Variants in MCF2L observed in about 807,000 individuals in gnomAD.
MCF2L encodes MCF.2 cell line derived transforming sequence like.
Under a neutral mutation model 153.4 loss-of-function variants are expected in MCF2L, and 97 were observed. The ratio of observed to expected loss-of-function variants is 0.63; its 90% CI spans 0.54 to 0.75. The LOEUF (loss-of-function observed/expected upper bound fraction) is 0.75, where lower values mean the gene tolerates loss of function less well. Ranked by LOEUF, MCF2L falls within the 30% of genes least tolerant of loss-of-function variation. MCF2L has a pLI of 0.00. For missense variants in MCF2L, 1,347 were observed against 1,495.2 expected (o/e 0.90, Z 1.64); for synonymous variants, 659 against 632.2 (o/e 1.04, Z -0.64).
At position 113,083,903 on chromosome 13, in the gene MCF2L, G is replaced by A. The variant is rs567420046; in HGVS notation, c.1992-95G>A. ...CGGGGCAGATTGCCCAGAGCAAGGC[G>A]TAACAGGCTTCTGAAAAATGACGTC... On this transcript the variant is annotated intron_variant, in intron 17 of 29. Coordinates refer to ENST00000535094, the MANE Select transcript of MCF2L (RefSeq NM_001112732.3). The A allele has an allele frequency of 8.4e-5, 77 of 919,166 alleles. 1 individual carries two copies. Among genetic ancestry groups the A allele is most frequent in the Admixed American group, 2.4e-4 (14 of 58,636 alleles). 56.9% of individuals were successfully genotyped at this position (919,166 alleles called of 1,614,324 possible).
rs772578655 is a variant in MCF2L, at chr13:113,084,013, G to C, written c.2007G>C (p.Glu669Asp). The C allele has an allele frequency of 1.0e-4, 161 of 1,613,762 alleles. No individual in the cohort carries two copies. Among genetic ancestry groups the C allele is most frequent in the Non-Finnish European group, 1.3e-4 (156 of 1,179,782 alleles). The change falls in exon 18 of 30, where the codon GAG becomes GAC. Residue 669 changes from glutamate (E) to aspartate (D), a missense_variant. This residue lies in a region of MCF2L where 820 missense variants were observed against 921.2 expected (regional missense o/e 0.89). Coordinates refer to ENST00000535094, the MANE Select transcript of MCF2L (RefSeq NM_001112732.3). ...YHFHNRIFLR[E>D]LENYTDCPEL... is the part of the protein sequence containing the mutation. ...CTTTGTCTAGGATATTCCTCAGGGA[G>C]CTGGAAAACTACACTGACTGCCCAG...
Position 112,941,215 on chromosome 13 carries a change from A to C in MCF2L, c.169+38844A>C, listed in dbSNP as rs1026241144. ...TCTTGGTGCTATCTTGGTTTGCTTT[A>C]GAAACATAGTTCCTGGGATGTGTCC... On this transcript the variant is annotated intron_variant, in intron 2 of 29. Transcript: ENST00000375608. This position sits in a 1 kb window ranked among gnomAD's most constrained non-coding sequence, Gnocchi z 4.9. Among the ~76,000 whole-genome samples the C allele has an allele frequency of 2.0e-5, 3 of 152,050 alleles. No homozygotes were observed. Among genetic ancestry groups the C allele is most frequent in the Non-Finnish European group, 2.9e-5 (2 of 68,000 alleles).
chr13:112,978,698 C>T (rs1009883508), intron 1 of MCF2L, among the ~76,000 whole-genome samples: 4 of 152,346 alleles, frequency 2.6e-5, no homozygotes, highest in East Asian at 1.9e-4. Flanking sequence ...AAACCAGATG[C>T]GTGTTCTAAT....
At chr13:112,988,739 C>T (rs2082757493) in intron 1 of MCF2L, among the ~76,000 whole-genome samples, 2 of 143,234 alleles carry the variant, frequency 1.4e-5, no homozygotes, top group African/African-American at 2.6e-5. Context: ...GCTACCACAC[C>T]CGAGTCCTCC....
chr13:113,086,860 A>G (rs545880917), intron 21 of MCF2L, among the ~76,000 whole-genome samples: 1 of 152,270 alleles, frequency 6.6e-6, no homozygotes, highest in East Asian at 1.9e-4. Context: ...CATGGGTGCC[A>G]CACCTGCCAC....
Position 112,969,465 on chromosome 13 carries a change from G to A in MCF2L, c.79+7G>A. 1 of 1,550,284 alleles carries A rather than the reference G, an allele frequency of 6.5e-7. No homozygotes were observed. Among genetic ancestry groups the A allele is most frequent in the South Asian group, 1.2e-5 (1 of 84,058 alleles). On this transcript the variant is annotated splice_region_variant and intron_variant, in intron 1 of 29. Transcript: ENST00000535094. This position sits in a 1 kb window ranked among gnomAD's most constrained non-coding sequence, Gnocchi z 4.8. ...GCGGTTTCCAAGCACACGGGTAGGA[G>A]GAGCTGCTGGCCGTCAGTGATCTGT... is the stretch of plus-strand genomic sequence containing the variant.
In MCF2L at chr13:113,029,238, G is replaced by T. The variant is rs992328907; in HGVS notation, c.278+4480G>T. On this transcript the variant is annotated intron_variant, in intron 3 of 29. Transcript: ENST00000535094. ...CCTGGCTGTCCCGGCATCCTAGGGC[G>T]CAGCAGCCGCGGCAGCTCCCCTGGA... is the stretch of plus-strand genomic sequence containing the variant. Among the ~76,000 whole-genome samples, 4 of 152,186 alleles carry T rather than the reference G, an allele frequency of 2.6e-5. No individual in the cohort carries two copies. In the East Asian group the frequency reaches 7.7e-4, roughly 29 times the overall value.
chr13:112,930,612 C>T (rs535073016), intron 2 of MCF2L, among the ~76,000 whole-genome samples: 22 of 152,304 alleles, frequency 1.4e-4, no homozygotes, highest in African/African-American at 5.3e-4. Context: ...TGTCAAAACC[C>T]ATACAGATGC....
chr13:113,094,724 C>A, intron 27 of MCF2L, 89 bp downstream of exon 27: 1 of 1,473,252 alleles, frequency 6.8e-7, no homozygotes, highest in South Asian at 1.3e-5. Flanking sequence ...AGGCTTGGGT[C>A]TTAGGACACA....
intron 12 of MCF2L, 72 bp from the exon 13 acceptor site, chr13:113,076,980 C>G: frequency 6.6e-7 from 1 of 1,509,988 alleles, no homozygotes; most frequent in Non-Finnish European, 9.0e-7. Context: ...CCGGCACGTT[C>G]TGCGCCTGAC....
intron 1 of MCF2L, among the ~76,000 whole-genome samples, chr13:112,980,938 T>C (rs2140903172): frequency 6.6e-6 from 1 of 152,276 alleles, no homozygotes; most frequent in East Asian, 1.9e-4. Flanking sequence ...ATGAGCACAG[T>C]GGGGGCTTGG....
intron 3 of MCF2L, among the ~76,000 whole-genome samples, chr13:113,036,869 T>C (rs1173047016): frequency 6.6e-6 from 1 of 152,266 alleles, no homozygotes; most frequent in Non-Finnish European, 1.5e-5. Context: ...CAAGTGGAAC[T>C]TTTAACAACC....
chr13:113,045,102 CG>C lies in MCF2L; in HGVS notation c.279-165del. ...TAGATGAGAGCAGGTTCTGGGACTG[CG>C]GGGATGGGGCTGCCGGGGCCCCCGT... On this transcript the variant is annotated intron_variant, in intron 3 of 29. Transcript: ENST00000535094. This position sits in a 1 kb window ranked among gnomAD's most constrained non-coding sequence, Gnocchi z 4.2. 1.1e-6 allele frequency: 1 copy of C among 914,752 alleles called. No homozygotes were observed. The highest frequency in any genetic ancestry group is 1.7e-6 in the Non-Finnish European group (1 of 589,826). 56.7% of individuals were successfully genotyped at this position (914,752 alleles called of 1,614,324 possible). A position where few individuals can be genotyped will look rare whatever the true frequency, so the allele number is the denominator to read the frequency against.
At chr13:113,047,557 G>A (rs138731004) in intron 4 of MCF2L, among the ~76,000 whole-genome samples, 2 of 152,364 alleles carry the variant, frequency 1.3e-5, no homozygotes, top group African/African-American at 2.4e-5. Flanking sequence ...CGTTACAGCC[G>A]CATCTTTTAT....
At chr13:112,979,961 C>G (rs1313629974) in intron 1 of MCF2L, among the ~76,000 whole-genome samples, 1 of 152,212 alleles carries the variant, frequency 6.6e-6, no homozygotes, top group Non-Finnish European at 1.5e-5. Flanking sequence ...TTTCTTTGTT[C>G]ATCTCTGGGT....
chr13:113,058,704 G>T (rs556529161), intron 4 of MCF2L, among the ~76,000 whole-genome samples: 1 of 144,622 alleles, frequency 6.9e-6, no homozygotes, highest in South Asian at 2.3e-4. Context: ...CTGAATGGGC[G>T]CTGTTTGGGC....
At chr13:113,060,529 G>T in intron 4 of MCF2L, 64 bp from the exon 5 acceptor site, 1 of 1,590,956 alleles carries the variant, frequency 6.3e-7, no homozygotes. Flanking sequence ...TGCAGGCACC[G>T]CACTAGGGGG....
In MCF2L at chr13:113,095,039, C is replaced by T. The variant is rs938713674; in HGVS notation, c.3075+404C>T. On this transcript the variant is annotated intron_variant, in intron 27 of 29. Coordinates refer to ENST00000535094, the MANE Select transcript of MCF2L (RefSeq NM_001112732.3). ...CTCAGAGGAGACAGTCCCCACCCCC[C>T]TACCCTTTATGTCATAGAATGCTGT... 4 of 1,372,506 alleles carry T rather than the reference C, an allele frequency of 2.9e-6. No homozygotes were observed. The African/African-American group carries it at 5.9e-5, about 20-fold the overall frequency. The allele number at this position is 1,372,506 out of a possible 1,614,324, so 85.0% of individuals were successfully genotyped here.
chr13:112,965,308 C>G (rs899324662), upstream of MCF2L: 1 of 152,290 alleles, frequency 6.6e-6, no homozygotes, highest in Non-Finnish European at 1.5e-5. Flanking sequence ...CCTCCCGTCA[C>G]CACATGGAGG....
Sources: gnomAD v4.1 joint callset for allele counts (sites outside exome capture counted in the v4.1 genomes callset) on GRCh38, gnomAD v4.1.1 for gene constraint, gnomAD v4.1.1 regional missense constraint, Gnocchi (gnomAD v3.1) non-coding constraint, MANE v1.5 for transcripts, NCBI Gene and HGNC (gene_info 2026-07-23, HGNC 2026-07-21) for gene names.